The following MICOS10 variants were observed in gnomAD, a reference collection of about 807,000 sequenced individuals.
MICOS10 encodes MICOS complex subunit MIC10.
Under a neutral mutation model 13.4 loss-of-function variants are expected in MICOS10, and 5 were observed. The observed-to-expected ratio is 0.37, with a 90% confidence interval of 0.20 to 0.78. The LOEUF (loss-of-function observed/expected upper bound fraction) is 0.78. Among genes scored for constraint, MICOS10 ranks in the 30% least tolerant of loss-of-function variants. The pLI, the probability that MICOS10 is intolerant of heterozygous loss-of-function variation, is 0.47. For synonymous variants in MICOS10, 35 were observed against 33.6 expected (o/e 1.04, Z -0.15); for missense variants, 101 against 94.6 (o/e 1.07, Z -0.28).
chr1:19,597,297 G>C (rs149815338), intron 1 of MICOS10, among the ~76,000 whole-genome samples, 188 bp downstream of exon 1: 197 of 152,354 alleles, frequency 1.3e-3, no homozygotes, highest in African/African-American at 4.6e-3. Flanking sequence ...ACAGACCCGA[G>C]GAGCCGGAGC....
chr1:19,606,767 A>T (rs12066678), intron 1 of MICOS10, among the ~76,000 whole-genome samples: 1 of 151,966 alleles, frequency 6.6e-6, no homozygotes, highest in South Asian at 2.1e-4. Context: ...AAAAGAAAGA[A>T]AAAAAGTAGG....
intron 1 of MICOS10, 88 bp downstream of exon 1, chr1:19,597,197 C>G: frequency 7.2e-7 from 1 of 1,395,142 alleles, no homozygotes; most frequent in Non-Finnish European, 9.8e-7. Flanking sequence ...AGGGAAGCCC[C>G]ACGGGAGGTC....
chr1:19,625,790 T>G (rs2094919916), intron 3 of MICOS10, among the ~76,000 whole-genome samples: 1 of 152,202 alleles, frequency 6.6e-6, no homozygotes, highest in South Asian at 2.1e-4. Flanking sequence ...AAAATGGCCT[T>G]GTAACTTTAT....
chr1:19,616,044 G>A (rs1248834466), intron 1 of MICOS10, among the ~76,000 whole-genome samples: 1 of 151,896 alleles, frequency 6.6e-6, no homozygotes, highest in African/African-American at 2.4e-5. Context: ...TCAGCCTCCC[G>A]AGTAGCTGGG....
intron 1 of MICOS10, among the ~76,000 whole-genome samples, chr1:19,609,970 C>T (rs141244711): frequency 8.5e-5 from 13 of 152,190 alleles, no homozygotes; most frequent in African/African-American, 2.6e-4. Context: ...GGGGAAACCC[C>T]GTCTCTACTA....
chr1:19,610,013 T>G (rs1629899), intron 1 of MICOS10, among the ~76,000 whole-genome samples: 16,618 of 151,862 alleles, frequency 0.11, 3,078 homozygotes, highest in African/African-American at 0.38. Context: ...GTGGTGGTGC[T>G]CACCTGTAAT....
chr1:19,625,731 T>A (rs1304095851), intron 3 of MICOS10: 1 of 1,145,288 alleles, frequency 8.7e-7, no homozygotes, highest in African/African-American at 1.6e-5. Flanking sequence ...TGGCTGGGAG[T>A]TCCTGTGGAA....
chr1:19,613,150 TA>T (rs1180209733), intron 1 of MICOS10, among the ~76,000 whole-genome samples: 1 of 152,172 alleles, frequency 6.6e-6, no homozygotes, highest in Non-Finnish European at 1.5e-5. Context: ...GTGGTAACAT[TA>T]CCAGTCAGTT....
intron 1 of MICOS10, among the ~76,000 whole-genome samples, chr1:19,607,621 T>C: frequency 6.6e-6 from 1 of 152,230 alleles, no homozygotes; most frequent in East Asian, 1.9e-4. Context: ...TTTGGTACAC[T>C]ATTATCTCTT....
chr1:19,599,399 G>A (rs565451479), intron 1 of MICOS10, among the ~76,000 whole-genome samples: 12 of 152,292 alleles, frequency 7.9e-5, no homozygotes, highest in Admixed American at 2.0e-4. Context: ...TGAAGACCAC[G>A]TGAGGCAGTG....
At chr1:19,608,062 T>C (rs2094842073) in intron 1 of MICOS10, 1 of 803,722 alleles carries the variant, frequency 1.2e-6, no homozygotes, top group Non-Finnish European at 2.2e-6. Context: ...AAGCTAAAAC[T>C]ATAAAACCTA....
chr1:19,602,672 G>A (rs1405474168), intron 1 of MICOS10, among the ~76,000 whole-genome samples: 1 of 152,156 alleles, frequency 6.6e-6, no homozygotes, highest in African/African-American at 2.4e-5. Flanking sequence ...TTATTTTTAA[G>A]TTTTATCAGA....
chr1:19,607,777 T>A (rs2094840928), intron 1 of MICOS10, among the ~76,000 whole-genome samples: 1 of 152,202 alleles, frequency 6.6e-6, no homozygotes, highest in African/African-American at 2.4e-5. Flanking sequence ...AACCAATTTT[T>A]AAAAAGAACA....
intron 1 of MICOS10, among the ~76,000 whole-genome samples, chr1:19,617,871 T>A (rs2094889795): frequency 6.6e-6 from 1 of 151,958 alleles, no homozygotes; most frequent in African/African-American, 2.4e-5. Context: ...AATGGTCTAG[T>A]TAAGCAGCAA....
chr1:19,614,732 C>G (rs2094877309), intron 1 of MICOS10: 1 of 152,248 alleles, frequency 6.6e-6, no homozygotes, highest in African/African-American at 2.4e-5. Context: ...GAGCTTCAGT[C>G]ATGTTATTCC....
At chr1:19,617,532 T>A (rs2094888691) in intron 1 of MICOS10, among the ~76,000 whole-genome samples, 2 of 152,170 alleles carry the variant, frequency 1.3e-5, no homozygotes, top group Admixed American at 1.3e-4. Context: ...CTCAAAGGAT[T>A]AAGTAACACA....
Position 19,623,586 on chromosome 1 carries a change from A to G in MICOS10, c.222+3A>G. On this transcript the variant is annotated splice_donor_region_variant and intron_variant, in intron 3 of 3. Transcript: ENST00000322753. Reference sequence around the variant, plus strand: ...TTCTACATGGAAAATATGTCAAAGTATGTACAGAATATATATTTCTCTTTC... The same window carrying G: ...TTCTACATGGAAAATATGTCAAAGTGTGTACAGAATATATATTTCTCTTTC... 1.9e-6 allele frequency: 3 copies of G among 1,557,958 alleles called. No individual in the cohort carries two copies. Among genetic ancestry groups the G allele is most frequent in the Non-Finnish European group, 2.7e-6 (3 of 1,130,336 alleles).
intron 1 of MICOS10, among the ~76,000 whole-genome samples, chr1:19,615,240 T>C (rs938048803): frequency 6.6e-6 from 1 of 152,252 alleles, no homozygotes; most frequent in Admixed American, 6.5e-5. Context: ...TGCCCTTTAG[T>C]GCTCAGTAAA....
In MICOS10 at chr1:19,625,396, T is replaced by C. The variant is rs986212873; in HGVS notation, c.223-991T>C. 24 of 1,288,986 alleles carry C rather than the reference T, an allele frequency of 1.9e-5. No homozygotes were observed. Among genetic ancestry groups the C allele is most frequent in the African/African-American group, 3.0e-5 (2 of 65,868 alleles). 79.8% of individuals were successfully genotyped at this position (1,288,986 alleles called of 1,614,324 possible). A position where few individuals can be genotyped will look rare whatever the true frequency, so the allele number is the denominator to read the frequency against. ...GCCCTGCACCTGCCATTTTAGAACCTGCTGAAACCGTCAGCTGCCTGCAGC... is the reference window on the plus strand; with the variant it reads ...GCCCTGCACCTGCCATTTTAGAACCCGCTGAAACCGTCAGCTGCCTGCAGC... On this transcript the variant is annotated intron_variant, in intron 3 of 3. Coordinates refer to ENST00000322753, the MANE Select transcript of MICOS10 (RefSeq NM_001032363.4).
Sources: gnomAD v4.1 joint callset for allele counts (sites outside exome capture counted in the v4.1 genomes callset) on GRCh38, gnomAD v4.1.1 for gene constraint, MANE v1.5 for transcripts, NCBI Gene and HGNC (gene_info 2026-07-23, HGNC 2026-07-21) for gene names.